BBS9: variants seen among roughly 807,000 people sequenced by gnomAD.
The protein encoded by BBS9 is protein PTHB1.
A neutral mutation model predicts 117.7 loss-of-function variants in BBS9; 89 were observed. The ratio of observed to expected loss-of-function variants is 0.76; its 90% CI spans 0.64 to 0.90. The LOEUF (loss-of-function observed/expected upper bound fraction) is 0.90. BBS9 is among the 40% of genes least tolerant of loss of function. BBS9 has a pLI of 0.00. For synonymous variants in BBS9, 379 were observed against 370.9 expected (o/e 1.02, Z -0.25); for missense variants, 982 against 1,042.2 (o/e 0.94, Z 0.80).
Position 33,155,722 on chromosome 7 carries a change from A to G in BBS9, c.328+20A>G, listed in dbSNP as rs761676028. ...TCTCAGGTAAGAAATATTTTTACCAATGTAGAATTTATATTACAAATTGGG... is the reference window on the plus strand; with the variant it reads ...TCTCAGGTAAGAAATATTTTTACCAGTGTAGAATTTATATTACAAATTGGG... On this transcript the variant is annotated intron_variant, in intron 4 of 22. Coordinates refer to ENST00000242067, the MANE Select transcript of BBS9 (RefSeq NM_198428.3). The G allele has an allele frequency of 1.2e-5, 13 of 1,087,850 alleles. 1 individual carries two copies. Among genetic ancestry groups the G allele is most frequent in the Admixed American group, 1.9e-5 (1 of 52,358 alleles). 67.4% of individuals were successfully genotyped at this position (1,087,850 alleles called of 1,614,324 possible).
intron 21 of BBS9, among the ~76,000 whole-genome samples, chr7:33,554,766 A>G (rs1440264211): frequency 1.3e-5 from 2 of 152,180 alleles, no homozygotes; most frequent in Non-Finnish European, 2.9e-5. Flanking sequence ...GGTATTTGAA[A>G]CTGAATGGGC....
At chr7:33,514,502 A>G (rs1847438186) in intron 20 of BBS9, among the ~76,000 whole-genome samples, 1 of 152,122 alleles carries the variant, frequency 6.6e-6, no homozygotes, top group Admixed American at 6.6e-5. Context: ...CCCCTTTCAC[A>G]GGGTTAGGAT....
chr7:33,164,350 T>G (rs939677721), intron 4 of BBS9, among the ~76,000 whole-genome samples: 4 of 152,224 alleles, frequency 2.6e-5, no homozygotes, highest in Non-Finnish European at 5.9e-5. Context: ...TTAGGTACGC[T>G]TGGTGCACAG....
chr7:33,591,049 G>T (rs1235653532), intron 21 of BBS9, among the ~76,000 whole-genome samples: 1 of 151,964 alleles, frequency 6.6e-6, no homozygotes, highest in Admixed American at 6.6e-5. Context: ...TAGAATACAG[G>T]AGCTGATTGG....
At chr7:33,294,939 C>T (rs1422275297) in intron 9 of BBS9, among the ~76,000 whole-genome samples, 3 of 152,188 alleles carry the variant, frequency 2.0e-5, no homozygotes, top group African/African-American at 7.2e-5. Flanking sequence ...CCTAAGTAAA[C>T]TTGCTCTAGT....
At chr7:33,482,040 C>G (rs1842575888) in intron 19 of BBS9, among the ~76,000 whole-genome samples, 1 of 152,020 alleles carries the variant, frequency 6.6e-6, no homozygotes, top group Non-Finnish European at 1.5e-5. Context: ...TTAACGGTGT[C>G]TCTGATCGGG....
At chr7:33,573,244 A>G (rs1383253439) in intron 21 of BBS9, among the ~76,000 whole-genome samples, 1 of 152,136 alleles carries the variant, frequency 6.6e-6, no homozygotes, top group African/African-American at 2.4e-5. Context: ...GATATTATTA[A>G]GAAACCAGTA....
At chr7:33,554,206 A>G (rs549834289) in intron 21 of BBS9, among the ~76,000 whole-genome samples, 1 of 152,284 alleles carries the variant, frequency 6.6e-6, no homozygotes, top group Admixed American at 6.5e-5. Flanking sequence ...TTTAGATGAT[A>G]GTGATCCTAT....
intron 2 of BBS9, among the ~76,000 whole-genome samples, chr7:33,152,187 A>G (rs945735818): frequency 6.6e-6 from 1 of 152,142 alleles, no homozygotes; most frequent in African/African-American, 2.4e-5. Context: ...TATGACTTTA[A>G]CGTATCTTTT....
intron 19 of BBS9, among the ~76,000 whole-genome samples, chr7:33,409,367 C>A (rs1475607301): frequency 2.0e-5 from 3 of 152,198 alleles, no homozygotes; most frequent in Non-Finnish European, 4.4e-5. Context: ...TTTCATTCTT[C>A]TCCATATGGA....
chr7:33,526,621 G>T (rs922217373), intron 20 of BBS9, among the ~76,000 whole-genome samples: 4 of 148,386 alleles, frequency 2.7e-5, no homozygotes, highest in Admixed American at 6.7e-5. Flanking sequence ...GCACTTCTCT[G>T]TATTGGTTAT....
intron 20 of BBS9, among the ~76,000 whole-genome samples, chr7:33,512,477 G>C (rs1364978725): frequency 6.6e-6 from 1 of 152,160 alleles, no homozygotes; most frequent in Non-Finnish European, 1.5e-5. Flanking sequence ...CAAATCCTCT[G>C]TGAAATAAAG....
At chr7:33,472,571 A>G (rs926050916) in intron 19 of BBS9, among the ~76,000 whole-genome samples, 1 of 152,230 alleles carries the variant, frequency 6.6e-6, no homozygotes, top group Non-Finnish European at 1.5e-5. Flanking sequence ...GGTAGTGTTT[A>G]TAGACAGGCT....
intron 9 of BBS9, among the ~76,000 whole-genome samples, chr7:33,304,781 C>T (rs185913433): frequency 9.9e-5 from 15 of 152,282 alleles, no homozygotes; most frequent in African/African-American, 3.6e-4. Context: ...CCATTTTGTT[C>T]TATACTAAGG....
At chr7:33,174,713 C>CA (rs1240489473) in intron 4 of BBS9, among the ~76,000 whole-genome samples, 1 of 152,192 alleles carries the variant, frequency 6.6e-6, no homozygotes. Flanking sequence ...TGTAAGGAGG[C>CA]AGCTTTAGGC....
intron 5 of BBS9, among the ~76,000 whole-genome samples, chr7:33,202,927 G>T (rs1428716762): frequency 6.6e-6 from 1 of 152,194 alleles, no homozygotes; most frequent in Admixed American, 6.5e-5. Context: ...TCCCATGCTT[G>T]GTTTCCCTTA....
intron 19 of BBS9, among the ~76,000 whole-genome samples, chr7:33,445,600 T>C (rs952590560): frequency 6.6e-6 from 1 of 152,220 alleles, no homozygotes; most frequent in African/African-American, 2.4e-5. Context: ...TTAAACTGCT[T>C]ATCACATTGT....
chr7:33,131,012 T>C (rs1308455269), intron 1 of BBS9, among the ~76,000 whole-genome samples: 3 of 147,530 alleles, frequency 2.0e-5, no homozygotes, highest in African/African-American at 7.3e-5. Context: ...TAGAATACTT[T>C]GAAATATTTT....
chr7:33,494,495 G>T (rs1265730502), intron 19 of BBS9, among the ~76,000 whole-genome samples: 1 of 152,170 alleles, frequency 6.6e-6, no homozygotes, highest in African/African-American at 2.4e-5. Context: ...CATGTGGAAG[G>T]TATGGATTTA....
Sources: gnomAD v4.1 joint callset for allele counts (sites outside exome capture counted in the v4.1 genomes callset) on GRCh38, gnomAD v4.1.1 for gene constraint, MANE v1.5 for transcripts, NCBI Gene and HGNC (gene_info 2026-07-23, HGNC 2026-07-21) for gene names.